Variants in MAPK10 observed in about 807,000 individuals in gnomAD.
MAPK10 encodes JNK3 alpha protein kinase.
Under a neutral mutation model 59.3 loss-of-function variants are expected in MAPK10, and 25 were observed. The ratio of observed to expected loss-of-function variants is 0.42; its 90% CI spans 0.31 to 0.59. The LOEUF (loss-of-function observed/expected upper bound fraction) is 0.59, where lower values mean the gene tolerates loss of function less well. Among genes scored for constraint, MAPK10 ranks in the 20% least tolerant of loss-of-function variants. MAPK10 has a pLI of 0.15. For missense variants in MAPK10, 351 were observed against 568.9 expected (o/e 0.62, Z 3.90); for synonymous variants, 190 against 200.5 (o/e 0.95, Z 0.44).
intron 11 of MAPK10, among the ~76,000 whole-genome samples, chr4:86,047,226 C>T (rs764119754): frequency 1.3e-5 from 2 of 151,856 alleles, no homozygotes; most frequent in South Asian, 2.1e-4. Context: ...TGTTACATGA[C>T]GGGCAAGGGG....
intron 1 of MAPK10, among the ~76,000 whole-genome samples, chr4:86,566,623 T>C (rs1342437686): frequency 2.6e-5 from 4 of 151,550 alleles, no homozygotes; most frequent in Admixed American, 2.6e-4. Context: ...GCTGGGGCAG[T>C]AGAATTGCTT....
chr4:86,212,230 C>A (rs182299193), intron 2 of MAPK10, among the ~76,000 whole-genome samples: 16 of 152,062 alleles, frequency 1.1e-4, no homozygotes, highest in African/African-American at 3.9e-4. Context: ...CAGAAATAGA[C>A]TGAAAGTCAG....
chr4:86,360,129 G>A, upstream of MAPK10: 4 of 985,856 alleles, frequency 4.1e-6, no homozygotes, highest in South Asian at 4.7e-5. Context: ...CACACATGAC[G>A]TCAAAGCCCA....
At chr4:86,287,601 T>C (rs921563706) in intron 2 of MAPK10, among the ~76,000 whole-genome samples, 2 of 152,338 alleles carry the variant, frequency 1.3e-5, no homozygotes, top group South Asian at 4.1e-4. Flanking sequence ...TGTCCCTATA[T>C]GTTCTAAGCA....
In MAPK10 at chr4:86,064,175, T is replaced by G. The variant is rs192162028; in HGVS notation, c.1110+91A>C. On this transcript the variant is annotated intron_variant, in intron 11 of 13. Transcript: ENST00000641462. ...ACTTAGAAATTTTATAAAAATCCATTGTGCATTCTTTAGGCTTCTAGTCCT... is the reference window on the plus strand; with the variant it reads ...ACTTAGAAATTTTATAAAAATCCATGGTGCATTCTTTAGGCTTCTAGTCCT... 8.2e-6 allele frequency: 12 copies of G among 1,458,414 alleles called. No individual in the cohort carries two copies. In the African/African-American group the frequency reaches 1.4e-4, roughly 17 times the overall value. The allele number at this position is 1,458,414 out of a possible 1,614,324, so 90.3% of individuals were successfully genotyped here. A position where few individuals can be genotyped will look rare whatever the true frequency, so the allele number is the denominator to read the frequency against.
intron 9 of MAPK10, among the ~76,000 whole-genome samples, chr4:86,088,832 G>A (rs1001669576): frequency 3.9e-5 from 6 of 152,088 alleles, no homozygotes; most frequent in Non-Finnish European, 8.8e-5. Context: ...TTATATCAAA[G>A]TATAAATCTT....
At chr4:86,243,706 T>C (rs2092897781) in intron 2 of MAPK10, among the ~76,000 whole-genome samples, 1 of 152,144 alleles carries the variant, frequency 6.6e-6, no homozygotes. Context: ...TCCTTGACCA[T>C]CCTATTTAAA....
chr4:86,030,308 T>A (rs1015343353), intron 12 of MAPK10, among the ~76,000 whole-genome samples: 4 of 152,044 alleles, frequency 2.6e-5, no homozygotes, highest in African/African-American at 7.2e-5. Context: ...TCTTTTAAAA[T>A]TTTTTTATTT....
chr4:86,363,309 C>G (rs1453052472), upstream of MAPK10, among the ~76,000 whole-genome samples: 2 of 152,018 alleles, frequency 1.3e-5, no homozygotes, highest in Non-Finnish European at 2.9e-5. Context: ...ATATAAGGGA[C>G]TTGAGCATCC....
In MAPK10 at chr4:86,214,527, A is replaced by AC. The variant is rs1231852664; in HGVS notation, c.-6-20121_-6-20120insG. On this transcript the variant is annotated intron_variant, in intron 2 of 13. Transcript: ENST00000641462. Reference sequence around the variant, plus strand: ...AAGATTCCTTAAAAAAAAAAAAAAAAAAAAAAAACTGTTAGAACTGATAAA... The same window carrying AC: ...AAGATTCCTTAAAAAAAAAAAAAAAACAAAAAAAACTGTTAGAACTGATAAA... Among the ~76,000 whole-genome samples the AC allele has an allele frequency of 2.1e-4, 31 of 145,242 alleles. 1 individual carries two copies. The East Asian group carries it at 5.6e-3, about 26-fold the overall frequency.
intron 1 of MAPK10, among the ~76,000 whole-genome samples, chr4:86,386,526 C>A (rs116141024): frequency 0.015 from 2,289 of 152,196 alleles, 67 homozygotes; most frequent in African/African-American, 0.052. Flanking sequence ...ATCTATGACT[C>A]TAATCTTGAT....
At chr4:86,447,233 A>G (rs1251499007) in intron 1 of MAPK10, among the ~76,000 whole-genome samples, 1 of 152,042 alleles carries the variant, frequency 6.6e-6, no homozygotes, top group Non-Finnish European at 1.5e-5. Flanking sequence ...AAGAGATCTG[A>G]TGGTTTTTTA....
chr4:86,165,591 A>G (rs1365036180), intron 3 of MAPK10, among the ~76,000 whole-genome samples: 2 of 98,876 alleles, frequency 2.0e-5, no homozygotes, highest in African/African-American at 7.5e-5. Context: ...TTTAGAGATG[A>G]GGTCTCAGTA....
chr4:86,204,460 T>C (rs1477558581), intron 2 of MAPK10, among the ~76,000 whole-genome samples: 8 of 151,900 alleles, frequency 5.3e-5, no homozygotes, highest in Admixed American at 5.3e-4. Context: ...ATTAGAGTTA[T>C]CACCAATGAG....
At chr4:86,053,641 C>T (rs756118338) in intron 11 of MAPK10, among the ~76,000 whole-genome samples, 1 of 152,044 alleles carries the variant, frequency 6.6e-6, no homozygotes, top group Non-Finnish European at 1.5e-5. Context: ...GACTTCTTTG[C>T]TTATTTCATA....
chr4:86,187,999 A>G (rs7669487), intron 3 of MAPK10, among the ~76,000 whole-genome samples: 49,256 of 151,854 alleles, frequency 0.32, 11,002 homozygotes, highest in African/African-American at 0.64. Context: ...AGAACATGGG[A>G]TGTTTGGCTT....
chr4:86,298,126 T>C (rs1055196433), intron 2 of MAPK10, among the ~76,000 whole-genome samples: 8 of 152,146 alleles, frequency 5.3e-5, no homozygotes, highest in Non-Finnish European at 1.0e-4. Flanking sequence ...TACTCTCTAG[T>C]CTCTGCTAAC....
Position 86,348,293 on chromosome 4 carries a change from T to C in MAPK10, c.-7+6237A>G, listed in dbSNP as rs183443714. On this transcript the variant is annotated intron_variant, in intron 2 of 13. Coordinates refer to ENST00000641462, the MANE Select transcript of MAPK10 (RefSeq NM_138982.4). The stretch of plus-strand genomic sequence containing the variant: ...CACTAGCTGCATGACCGGTGGCACA[T>C]TACTAAATCATCTGTGCCTTGTCTT... Among the ~76,000 whole-genome samples the C allele has an allele frequency of 2.3e-3, 344 of 152,270 alleles. 1 individual carries two copies. The highest frequency in any genetic ancestry group is 8.1e-3 in the African/African-American group (336 of 41,552).
At chr4:86,361,364 A>C (rs1467873327), upstream of MAPK10, among the ~76,000 whole-genome samples, 2 of 152,172 alleles carry the variant, frequency 1.3e-5, no homozygotes, top group South Asian at 2.1e-4. Flanking sequence ...AATCAAGACT[A>C]TCTTCTAGTC....
Sources: allele counts gnomAD v4.1 joint callset (sites outside exome capture counted in the v4.1 genomes callset), GRCh38; gene constraint gnomAD v4.1.1; transcripts MANE v1.5; gene names NCBI Gene and HGNC (gene_info 2026-07-23, HGNC 2026-07-21).